Variants in CREB5 observed in about 807,000 individuals in gnomAD.
CREB5 encodes the protein cyclic AMP-responsive element-binding protein 5.
In CREB5, 19 loss-of-function variants were observed where a neutral mutation model predicts 57.1. The observed-to-expected ratio is 0.33, with a 90% CI of 0.23 to 0.49. The LOEUF (loss-of-function observed/expected upper bound fraction) is 0.49, where lower values mean the gene tolerates loss of function less well. CREB5 is among the 20% of genes least tolerant of loss of function. CREB5 has a pLI of 0.99. For missense variants in CREB5, 579 were observed against 671.6 expected, an observed-to-expected ratio of 0.86 and a Z score of 1.52; for synonymous variants, 238 against 238.3, an observed-to-expected ratio of 1.00 and a Z score of 0.01.
intron 4 of CREB5, among the ~76,000 whole-genome samples, chr7:28,562,341 A>G (rs1583634094): frequency 6.6e-6 from 1 of 152,220 alleles, no homozygotes; most frequent in East Asian, 1.9e-4. Flanking sequence ...GCACCTGAGA[A>G]GATATTTATT....
intron 2 of CREB5, among the ~76,000 whole-genome samples, chr7:28,488,557 A>G (rs1791669971): frequency 6.6e-6 from 1 of 152,214 alleles, no homozygotes; most frequent in Non-Finnish European, 1.5e-5. Context: ...ATCATTTCAG[A>G]AAGAGGGAAG....
chr7:28,372,051 C>T (rs1008277655), intron 1 of CREB5, among the ~76,000 whole-genome samples: 2 of 151,974 alleles, frequency 1.3e-5, no homozygotes, highest in Admixed American at 6.6e-5. Context: ...AGAACAAAGT[C>T]GAAAATAAAG....
At chr7:28,666,263 C>T (rs1253354084) in intron 5 of CREB5, among the ~76,000 whole-genome samples, 3 of 152,108 alleles carry the variant, frequency 2.0e-5, no homozygotes, top group Non-Finnish European at 2.9e-5. Flanking sequence ...CTGTGCCCAC[C>T]CCTTATAAAT....
chr7:28,447,067 A>G (rs1374187125), intron 1 of CREB5, among the ~76,000 whole-genome samples: 1 of 152,144 alleles, frequency 6.6e-6, no homozygotes, highest in Non-Finnish European at 1.5e-5. Context: ...TCTCACCTGG[A>G]AAGTGGAGAT....
chr7:28,331,062 T>A (rs1785707667), intron 1 of CREB5, among the ~76,000 whole-genome samples: 1 of 152,188 alleles, frequency 6.6e-6, no homozygotes. Context: ...AGGCCCACTT[T>A]GTTCCCCTGA....
upstream of CREB5, among the ~76,000 whole-genome samples, chr7:28,411,575 C>G (rs376291044): frequency 3.8e-4 from 52 of 137,424 alleles, no homozygotes; most frequent in African/African-American, 1.4e-3. Context: ...GGGGTGGGGG[C>G]GTGAGGGAGG....
At chr7:28,374,866 G>C (rs1464830198) in intron 1 of CREB5, among the ~76,000 whole-genome samples, 1 of 152,158 alleles carries the variant, frequency 6.6e-6, no homozygotes, top group Non-Finnish European at 1.5e-5. Flanking sequence ...AGGTCACTCA[G>C]TGTCAGTGAA....
At chr7:28,782,450 TTTTAA>T (rs1807043768) in intron 7 of CREB5, among the ~76,000 whole-genome samples, 1 of 152,220 alleles carries the variant, frequency 6.6e-6, no homozygotes, top group Admixed American at 6.5e-5. Flanking sequence ...AATAAGTCAG[TTTTAA>T]TTTTTCTTTT....
intron 5 of CREB5, among the ~76,000 whole-genome samples, chr7:28,706,692 T>C (rs879677412): frequency 7.2e-5 from 11 of 152,294 alleles, no homozygotes; most frequent in Admixed American, 7.2e-4. Flanking sequence ...TTCTGCTTCA[T>C]GATAAGTGCT....
intron 5 of CREB5, among the ~76,000 whole-genome samples, chr7:28,630,920 G>T (rs1665847638): frequency 6.6e-6 from 1 of 152,090 alleles, no homozygotes; most frequent in Non-Finnish European, 1.5e-5. Context: ...ACGCTATGAG[G>T]TACGTATGAC....
intron 7 of CREB5, among the ~76,000 whole-genome samples, chr7:28,788,074 G>A (rs1035143447): frequency 2.0e-5 from 3 of 152,278 alleles, no homozygotes; most frequent in Non-Finnish European, 4.4e-5. Flanking sequence ...TTTAGTCATG[G>A]TTTAGTTAAC....
chr7:28,455,878 G>A (rs991507576), intron 1 of CREB5, among the ~76,000 whole-genome samples: 23 of 152,214 alleles, frequency 1.5e-4, no homozygotes, highest in African/African-American at 5.5e-4. Flanking sequence ...GACACTGGTG[G>A]ATGTGGGTAG....
chr7:28,489,296 C>CTTTTTTTTTTTTT, intron 2 of CREB5, among the ~76,000 whole-genome samples: 1 of 96,648 alleles, frequency 1.0e-5, no homozygotes, highest in Non-Finnish European at 1.9e-5. Context: ...GAGGACCCTT[C>CTTTTTTTTTTTTT]TTTTTTTTTT....
chr7:28,581,499 C>T (rs60640130), intron 5 of CREB5, among the ~76,000 whole-genome samples: 20,227 of 152,232 alleles, frequency 0.13, 1,910 homozygotes, highest in East Asian at 0.34. Context: ...ACCACAGTCA[C>T]AGGCAGAGGC....
At chr7:28,471,277 A>G (rs572754111) in intron 1 of CREB5, among the ~76,000 whole-genome samples, 119 of 152,202 alleles carry the variant, frequency 7.8e-4, no homozygotes, top group African/African-American at 2.8e-3. Flanking sequence ...GTCTAGTTTC[A>G]TTCTTCTGTG....
In CREB5 at chr7:28,643,755, G is replaced by GT. The variant is rs200978076; in HGVS notation, c.464+73218_464+73219insT. On this transcript the variant is annotated intron_variant, in intron 5 of 10. Coordinates refer to ENST00000357727, the MANE Select transcript of CREB5 (RefSeq NM_182898.4). ...ATAGTTCACGGGTTTGGGAGGTGGG[G>GT]GGGGGCGGAAGAAAAAAAAAAAACA... Among the ~76,000 whole-genome samples, 424 of 104,660 alleles carry GT rather than the reference G, an allele frequency of 4.1e-3. 1 individual carries two copies. Among genetic ancestry groups the GT allele is most frequent in the Non-Finnish European group, 6.0e-3 (320 of 52,996 alleles). The allele number at this position is 104,660 out of a possible 152,430, so 68.7% of individuals were successfully genotyped here. A position where few individuals can be genotyped will look rare whatever the true frequency, so the allele number is the denominator to read the frequency against.
intron 9 of CREB5, among the ~76,000 whole-genome samples, chr7:28,813,694 A>G (rs960079516): frequency 6.7e-6 from 1 of 150,272 alleles, no homozygotes; most frequent in African/African-American, 2.5e-5. Flanking sequence ...TGAACACTGC[A>G]AATGTAGCTA....
intron 4 of CREB5, among the ~76,000 whole-genome samples, chr7:28,529,343 G>C (rs1793619192): frequency 6.6e-6 from 1 of 152,168 alleles, no homozygotes; most frequent in South Asian, 2.1e-4. Context: ...TGTGCTCCCT[G>C]CAGAGGACCC....
At chr7:28,366,635 T>C (rs1158041241) in intron 1 of CREB5, among the ~76,000 whole-genome samples, 1 of 152,214 alleles carries the variant, frequency 6.6e-6, no homozygotes, top group African/African-American at 2.4e-5. Context: ...CAAAAAAAGT[T>C]TTCTAATGAT....
Sources: gnomAD v4.1 joint callset for allele counts (sites outside exome capture counted in the v4.1 genomes callset) on GRCh38, gnomAD v4.1.1 for gene constraint, MANE v1.5 for transcripts, NCBI Gene and HGNC (gene_info 2026-07-23, HGNC 2026-07-21) for gene names.